Variants in CAPG observed in about 807,000 individuals in gnomAD.
CAPG encodes the protein capping actin protein, gelsolin like.
In CAPG, 32 loss-of-function variants were observed where a neutral mutation model predicts 44.6. The observed-to-expected ratio is 0.72, with a 90% CI of 0.54 to 0.96. The LOEUF (loss-of-function observed/expected upper bound fraction) is 0.96, where lower values mean the gene tolerates loss of function less well. CAPG is among the 50% of genes least tolerant of loss of function. The probability of loss-of-function intolerance (pLI) is 0.00; values close to 1 mark genes in which losing one functional copy is unlikely to be tolerated. For missense variants in CAPG, 412 were observed against 438.3 expected (o/e 0.94, Z 0.54); for synonymous variants, 175 against 179.6 (o/e 0.97, Z 0.20).
chr2:85,415,630 C>T (rs1037130234), intron 1 of CAPG, among the ~76,000 whole-genome samples: 6 of 152,148 alleles, frequency 3.9e-5, no homozygotes, highest in Non-Finnish European at 7.4e-5. Flanking sequence ...CCCTGCATAG[C>T]GCCCAGCAGG....
intron 1 of CAPG, among the ~76,000 whole-genome samples, chr2:85,415,684 T>C (rs1687537047): frequency 6.6e-6 from 1 of 152,110 alleles, no homozygotes; most frequent in South Asian, 2.1e-4. Flanking sequence ...ATTAACAGAT[T>C]AGACAGCAAA....
chr2:85,395,849 C>T lies in CAPG; in HGVS notation c.893-223G>A, dbSNP rs564465874. The T allele has an allele frequency of 3.8e-4, 204 of 543,328 alleles. 1 individual carries two copies. The South Asian group carries it at 3.9e-3, about 10-fold the overall frequency. 33.7% of individuals were successfully genotyped at this position (543,328 alleles called of 1,614,324 possible). A position where few individuals can be genotyped will look rare whatever the true frequency, so the allele number is the denominator to read the frequency against. ...ACCAAGGTAGATGAAAACCCCTCGT[C>T]TGCCCGGGTCTGATCATGCAAAACT... is the stretch of plus-strand genomic sequence containing the variant. On this transcript the variant is annotated intron_variant, in intron 8 of 9. Transcript: ENST00000263867. The surrounding 1 kb of genome is among the most constrained non-coding windows in gnomAD (Gnocchi z 4.3).
chr2:85,398,745 GGGTT>G lies in CAPG; in HGVS notation c.700_703del (p.Asn234LeufsTer27). On this transcript the variant is annotated frameshift_variant, in exon 7 of 10. Transcript: ENST00000263867. LOFTEE classifies it high-confidence loss of function. ...CTTGTCAGCTGTGAGGTCTTCCTCA[GGGTT>G]GCCCTCCTTCAGAGCAGGCTTGGGG... The G allele has an allele frequency of 6.2e-7, 1 of 1,607,906 alleles. No individual in the cohort carries two copies. Among genetic ancestry groups the G allele is most frequent in the Non-Finnish European group, 8.5e-7 (1 of 1,177,296 alleles).
chr2:85,401,680 T>C lies in CAPG; in HGVS notation c.200A>G (p.Gln67Arg). The C allele has an allele frequency of 6.2e-7, 1 of 1,614,144 alleles. No homozygotes were observed. Among genetic ancestry groups the C allele is most frequent in the Non-Finnish European group, 8.5e-7 (1 of 1,179,994 alleles). The change falls in exon 4 of 10, where the codon CAG (glutamine) becomes CGG (arginine). Residue 67 changes from glutamine (Q) to arginine (R), a missense_variant. Physicochemically the swap from Gln to Arg is conservative, Grantham distance 43. Transcript: ENST00000263867. ...EVSHLHLWIG[Q>R]QSSRDEQGAC... ...CCCCTGCTCATCCCGGGATGACTGC[T>C]GGCCTGGGACAAGTGGGAGAGGGCA... is the stretch of plus-strand genomic sequence containing the variant.
rs1441720974 is a variant in CAPG, at chr2:85,394,958, C to T, written c.982G>A (p.Val328Met). Residue 328 changes from valine (V) to methionine (M), a missense_variant and splice_region_variant, in exon 10 of 10, where the codon GTG becomes ATG. Physicochemically the swap from Val to Met is conservative, Grantham distance 21 (BLOSUM62 1). Coordinates refer to ENST00000263867, the MANE Select transcript of CAPG (RefSeq NM_001747.4). ...SRMQYAPNTQ[V>M]EILPQGHESP... ...TCATGGCCCTGAGGCAGAATCTCCA[C>T]CTGCAGGGACAGCGGGGGAGAAGTC... The T allele has an allele frequency of 1.2e-6, 2 of 1,609,814 alleles. No individual in the cohort carries two copies. The highest frequency in any genetic ancestry group is 1.7e-6 in the Non-Finnish European group (2 of 1,176,056).
In CAPG at chr2:85,395,208, G is replaced by A. The variant is rs1221583155; in HGVS notation, c.982-250C>T. ...AGTTTAATAAATGCCACCAACGGTA[G>A]CTGAGCCCTGTCAGCTCCCCACGGG... On this transcript the variant is annotated intron_variant, in intron 9 of 9. Transcript: ENST00000263867. This position sits in a 1 kb window ranked among gnomAD's most constrained non-coding sequence, Gnocchi z 4.3. Among the ~76,000 whole-genome samples the A allele has an allele frequency of 6.6e-6, 1 of 152,202 alleles. No individual in the cohort carries two copies. Among genetic ancestry groups the A allele is most frequent in the Non-Finnish European group, 1.5e-5 (1 of 68,036 alleles).
chr2:85,396,338 A>C (rs1444018163), intron 8 of CAPG, among the ~76,000 whole-genome samples: 1 of 149,540 alleles, frequency 6.7e-6, no homozygotes, highest in Non-Finnish European at 1.5e-5. Context: ...GGTGCACGCC[A>C]CCACACTCAG....
At chr2:85,403,409 T>G (rs1686998042) in intron 1 of CAPG, among the ~76,000 whole-genome samples, 1 of 152,126 alleles carries the variant, frequency 6.6e-6, no homozygotes, top group Admixed American at 6.5e-5. Context: ...CCCTGGTAAT[T>G]TCTACCAAAA....
At chr2:85,413,449 G>C (rs1225031987), upstream of CAPG, among the ~76,000 whole-genome samples, 1 of 152,158 alleles carries the variant, frequency 6.6e-6, no homozygotes, top group East Asian at 1.9e-4. Flanking sequence ...GCGTGGTGGC[G>C]GGCGCCTATA....
chr2:85,398,330 C>A, intron 7 of CAPG, 178 bp from the exon 8 acceptor site: 1 of 685,250 alleles, frequency 1.5e-6, no homozygotes, highest in Non-Finnish European at 2.4e-6. Context: ...GGCAGCCCCA[C>A]TCCCTCTCAT....
At chr2:85,393,526 A>G (rs1434146756), downstream of CAPG, among the ~76,000 whole-genome samples, 3 of 152,086 alleles carry the variant, frequency 2.0e-5, no homozygotes, top group African/African-American at 7.2e-5. Context: ...TAAGAAGTCT[A>G]TGGAGAAGAC....
At chr2:85,412,251 G>A (rs1160168679), upstream of CAPG, among the ~76,000 whole-genome samples, 1 of 151,974 alleles carries the variant, frequency 6.6e-6, no homozygotes, top group Admixed American at 6.6e-5. Flanking sequence ...GGTGGCTCAC[G>A]CCTGTAATCC....
At chr2:85,393,537 A>C (rs1371689496), downstream of CAPG, among the ~76,000 whole-genome samples, 1 of 152,038 alleles carries the variant, frequency 6.6e-6, no homozygotes, top group Non-Finnish European at 1.5e-5. Context: ...TGGAGAAGAC[A>C]TGGAGGCAGA....
intron 1 of CAPG, among the ~76,000 whole-genome samples, chr2:85,407,043 G>A (rs1273349272): frequency 6.6e-6 from 1 of 150,848 alleles, no homozygotes; most frequent in Non-Finnish European, 1.5e-5. Flanking sequence ...CAATTCTCCT[G>A]CCTCAGCCTC....
At chr2:85,403,886 C>CAAAAA (rs36054381) in intron 1 of CAPG, among the ~76,000 whole-genome samples, 16 of 69,750 alleles carry the variant, frequency 2.3e-4, no homozygotes, top group Middle Eastern at 9.1e-3. Context: ...GACTCCATCT[C>CAAAAA]AAAAAAAAAA....
chr2:85,412,318 C>T (rs184205445), upstream of CAPG, among the ~76,000 whole-genome samples: 39 of 152,302 alleles, frequency 2.6e-4, no homozygotes, highest in East Asian at 7.1e-3. Context: ...CGAGACCAGC[C>T]TGGCCAGCAT....
chr2:85,400,638 A>C (rs1463487214), intron 5 of CAPG, among the ~76,000 whole-genome samples: 1 of 151,788 alleles, frequency 6.6e-6, no homozygotes, highest in African/African-American at 2.4e-5. Flanking sequence ...CTGGAGTGGC[A>C]TCTCCCCTCC....
chr2:85,414,435 T>C (rs1413161797), upstream of CAPG, among the ~76,000 whole-genome samples: 1 of 151,540 alleles, frequency 6.6e-6, no homozygotes, highest in Non-Finnish European at 1.5e-5. Context: ...CTAAGATTTT[T>C]TTTTTTTTTT....
intron 1 of CAPG, among the ~76,000 whole-genome samples, chr2:85,416,298 C>A (rs1285445180): frequency 6.6e-6 from 1 of 152,172 alleles, no homozygotes; most frequent in Non-Finnish European, 1.5e-5. Context: ...AAGTTCTCGA[C>A]CTGTCTTCTA....
Sources: gnomAD v4.1 joint callset for allele counts (sites outside exome capture counted in the v4.1 genomes callset) on GRCh38, gnomAD v4.1.1 for gene constraint, Gnocchi (gnomAD v3.1) non-coding constraint, MANE v1.5 for transcripts, NCBI Gene and HGNC (gene_info 2026-07-23, HGNC 2026-07-21) for gene names.